NET1: variants seen among roughly 807,000 people sequenced by gnomAD.
The protein encoded by NET1 is neuroepithelial cell transforming 1.
In NET1, 42 loss-of-function variants were observed where a neutral mutation model predicts 61.1. That is an observed-to-expected ratio of 0.69 (90% CI 0.54 to 0.89). The LOEUF (loss-of-function observed/expected upper bound fraction) is 0.89. Ranked by LOEUF, NET1 falls within the 40% of genes least tolerant of loss-of-function variation. The pLI is 0.00. For missense variants in NET1, 654 were observed against 747.3 expected (o/e 0.88, Z 1.46); for synonymous variants, 254 against 281.8 (o/e 0.90, Z 0.99).
rs1564465015 is a variant in NET1 at position 5,444,222 on chromosome 10, A to G, written c.256-7608A>G. Among the ~76,000 whole-genome samples, 1 of 152,206 alleles carries G rather than the reference A, an allele frequency of 6.6e-6. No homozygotes were observed. Among genetic ancestry groups the G allele is most frequent in the Non-Finnish European group, 1.5e-5 (1 of 68,030 alleles). The stretch of plus-strand genomic sequence containing the variant: ...CAGGACAGACTGGACAATAGAGTAG[A>G]TGATGAAACAGAGCCAATCTCCATT... On this transcript the variant is annotated intron_variant, in intron 3 of 11. Coordinates refer to ENST00000355029, the MANE Select transcript of NET1 (RefSeq NM_001047160.3). The surrounding 1 kb of genome is among the most constrained non-coding windows in gnomAD (Gnocchi z 5.3).
rs1298334721 is a variant in NET1, at chr10:5,453,705, T to C, written c.768+145T>C. The C allele has an allele frequency of 9.4e-6, 6 of 640,538 alleles. No individual in the cohort carries two copies. Among genetic ancestry groups the C allele is most frequent in the Non-Finnish European group, 2.7e-6 (1 of 365,920 alleles). 39.7% of individuals were successfully genotyped at this position (640,538 alleles called of 1,614,324 possible). ...AAAACTGAACAAATTTACAGTGACA[T>C]AAGAAGTTACAGTCTGTTTAAAAAA... On this transcript the variant is annotated intron_variant, in intron 8 of 11. Coordinates refer to ENST00000355029, the MANE Select transcript of NET1 (RefSeq NM_001047160.3). This position sits in a 1 kb window ranked among gnomAD's most constrained non-coding sequence, Gnocchi z 4.9.
Position 5,435,721 on chromosome 10 carries a change from G to A in NET1, c.255+6492G>A, listed in dbSNP as rs1489535292. Among the ~76,000 whole-genome samples the A allele has an allele frequency of 1.3e-5, 2 of 152,100 alleles. No homozygotes were observed. The highest frequency in any genetic ancestry group is 2.9e-5 in the Non-Finnish European group (2 of 68,016). Reference sequence around the variant, plus strand: ...CTTATATGAAGAATTTAATTCTGATGTCAATTGAATTTTCATGTTATGGAT... The same window carrying A: ...CTTATATGAAGAATTTAATTCTGATATCAATTGAATTTTCATGTTATGGAT... On this transcript the variant is annotated intron_variant, in intron 3 of 11. Transcript: ENST00000355029. This position sits in a 1 kb window ranked among gnomAD's most constrained non-coding sequence, Gnocchi z 5.0.
rs1186364902 is a variant in NET1 at position 5,439,420 on chromosome 10, G to T, written c.255+10191G>T. Among the ~76,000 whole-genome samples, 4 of 152,202 alleles carry T rather than the reference G, an allele frequency of 2.6e-5. No homozygotes were observed. Among genetic ancestry groups the T allele is most frequent in the Non-Finnish European group, 5.9e-5 (4 of 68,028 alleles). ...GAGAAGTACCAGTGTAATGTACTAG[G>T]TTACATGGCAGTCTGGGCCATCTGT... is the stretch of plus-strand genomic sequence containing the variant. On this transcript the variant is annotated intron_variant, in intron 3 of 11. Transcript: ENST00000355029. This position sits in a 1 kb window ranked among gnomAD's most constrained non-coding sequence, Gnocchi z 4.8.
Position 5,422,500 on chromosome 10 carries a change from A to G in NET1, c.129-4155A>G, listed in dbSNP as rs1388873329. Among the ~76,000 whole-genome samples, 3 of 152,122 alleles carry G rather than the reference A, an allele frequency of 2.0e-5. No individual in the cohort carries two copies. Among genetic ancestry groups the G allele is most frequent in the South Asian group, 4.1e-4 (2 of 4,822 alleles). ...GATTGTTAATGATGGAAGCCTTCAGAATTTCTCTTTCCTTCTGTTACTTGC... is the reference window on the plus strand; with the variant it reads ...GATTGTTAATGATGGAAGCCTTCAGGATTTCTCTTTCCTTCTGTTACTTGC... On this transcript the variant is annotated intron_variant, in intron 1 of 11. Transcript: ENST00000355029. This position sits in a 1 kb window ranked among gnomAD's most constrained non-coding sequence, Gnocchi z 4.1.
In NET1 at chr10:5,424,541, A is replaced by T. The variant is rs1832229249; in HGVS notation, c.129-2114A>T. 6.6e-6 allele frequency among the ~76,000 whole-genome samples: 1 copy of T among 152,112 alleles called. No homozygotes were observed. The highest frequency in any genetic ancestry group is 2.1e-4 in the South Asian group (1 of 4,830). On this transcript the variant is annotated intron_variant, in intron 1 of 11. Coordinates refer to ENST00000355029, the MANE Select transcript of NET1 (RefSeq NM_001047160.3). The surrounding 1 kb of genome is among the most constrained non-coding windows in gnomAD (Gnocchi z 6.1). Reference sequence around the variant, plus strand: ...GAAAAAAATACCATTTTCTTTGTTGATGCTTGACTTTTCTGCAGTAGCAAG... The same window carrying T: ...GAAAAAAATACCATTTTCTTTGTTGTTGCTTGACTTTTCTGCAGTAGCAAG...
chr10:5,434,145 T>C (rs1384889758), intron 3 of NET1, among the ~76,000 whole-genome samples: 1 of 152,214 alleles, frequency 6.6e-6, no homozygotes, highest in African/African-American at 2.4e-5. Context: ...GTTTCCTGTA[T>C]GGTGAGAGGA....
chr10:5,425,393 A>G (rs1041901188), intron 1 of NET1, among the ~76,000 whole-genome samples: 1 of 152,218 alleles, frequency 6.6e-6, no homozygotes, highest in African/African-American at 2.4e-5. Context: ...CTATAACTTG[A>G]TGAACAACGA....
chr10:5,412,800 C>G lies in NET1; in HGVS notation c.108C>G (p.Ser36=). The change falls in exon 1 of 12, where the codon TCC becomes TCG. Residue 36 remains serine, a synonymous_variant. Transcript: ENST00000355029. The surrounding 1 kb of genome is among the most constrained non-coding windows in gnomAD (Gnocchi z 6.5). ...EGATGPSADT[S]GSELDGRCSL... ...CGACGGGGCCTTCGGCCGACACCTC[C>G]GGGTCGGAGCTGGACGGGAGGTGAG... 1.4e-6 allele frequency: 2 copies of G among 1,427,320 alleles called. No individual in the cohort carries two copies. Among genetic ancestry groups the G allele is most frequent in the Non-Finnish European group, 1.8e-6 (2 of 1,092,642 alleles). 88.4% of individuals were successfully genotyped at this position (1,427,320 alleles called of 1,614,324 possible).
chr10:5,457,027 CTG>C lies in NET1; in HGVS notation c.*35_*36del, dbSNP rs1564470396. ...TCTGTGTGTTAACTGATGGGAGAGA[CTG>C]TTTGTTTATAAATGTGTACAGTTTT... On this transcript the variant is annotated 3_prime_UTR_variant, in exon 12 of 12. Transcript: ENST00000355029. This position sits in a 1 kb window ranked among gnomAD's most constrained non-coding sequence, Gnocchi z 5.4. 6 of 1,509,848 alleles carry C rather than the reference CTG, an allele frequency of 4.0e-6. No homozygotes were observed. The highest frequency in any genetic ancestry group is 5.3e-6 in the Non-Finnish European group (6 of 1,129,816). The allele number at this position is 1,509,848 out of a possible 1,614,324, so 93.5% of individuals were successfully genotyped here.
At chr10:5,450,712 T>A (rs1187350086) in intron 3 of NET1, among the ~76,000 whole-genome samples, 1 of 152,196 alleles carries the variant, frequency 6.6e-6, no homozygotes, top group Non-Finnish European at 1.5e-5. Context: ...TACAAATAGT[T>A]ATGCTCCATA....
rs1322239067 is a variant in NET1 at position 5,456,977 on chromosome 10, A to G, written c.1774A>G (p.Lys592Glu). ...CAAAGCCCTTTCTGGTGGCAAACGG[A>G]AAGAGACTTTGGTGTAGAGAAGGCT... ...RDKALSGGKRKETLV is the reference protein window; with the variant it reads ...RDKALSGGKREETLV The change falls in exon 12 of 12, where the codon AAA becomes GAA. Residue 592 changes from lysine to glutamate, a missense_variant. Coordinates refer to ENST00000355029, the MANE Select transcript of NET1 (RefSeq NM_001047160.3). The surrounding 1 kb of genome is among the most constrained non-coding windows in gnomAD (Gnocchi z 7.0). The G allele has an allele frequency of 5.8e-6, 9 of 1,563,702 alleles. No homozygotes were observed. The South Asian group carries it at 8.4e-5, about 15-fold the overall frequency.
rs1340652197 is a variant in NET1, at chr10:5,443,383, G to C, written c.256-8447G>C. Among the ~76,000 whole-genome samples the C allele has an allele frequency of 6.6e-6, 1 of 152,128 alleles. No homozygotes were observed. The highest frequency in any genetic ancestry group is 1.5e-5 in the Non-Finnish European group (1 of 68,012). ...TAGCACAAAGTAATTGAGATAATAA[G>C]TACTTCATAGAGTTGATTAAATAAC... On this transcript the variant is annotated intron_variant, in intron 3 of 11. Coordinates refer to ENST00000355029, the MANE Select transcript of NET1 (RefSeq NM_001047160.3). The surrounding 1 kb of genome is among the most constrained non-coding windows in gnomAD (Gnocchi z 4.8).
In NET1 at chr10:5,451,635, A is replaced by T. The variant is rs1353723855; in HGVS notation, c.256-195A>T. Among the ~76,000 whole-genome samples, 2 of 151,884 alleles carry T rather than the reference A, an allele frequency of 1.3e-5. No individual in the cohort carries two copies. Among genetic ancestry groups the T allele is most frequent in the Non-Finnish European group, 2.9e-5 (2 of 68,002 alleles). On this transcript the variant is annotated intron_variant, in intron 3 of 11. Coordinates refer to ENST00000355029, the MANE Select transcript of NET1 (RefSeq NM_001047160.3). This position sits in a 1 kb window ranked among gnomAD's most constrained non-coding sequence, Gnocchi z 6.1. ...AATATTTGACTGGCCTTTCTTACAC[A>T]CTTATTTTTTGAAAAGTTACTGCTA...
At position 5,412,656 on chromosome 10, in the gene NET1, G is replaced by C. The variant is rs1234323194; in HGVS notation, c.-37G>C. On this transcript the variant is annotated 5_prime_UTR_variant, in exon 1 of 12. Coordinates refer to ENST00000355029, the MANE Select transcript of NET1 (RefSeq NM_001047160.3). This position sits in a 1 kb window ranked among gnomAD's most constrained non-coding sequence, Gnocchi z 6.5. ...TCGTGCCCGTCCCTGCCGGTCTCCC[G>C]GGCACCCGGCCACCGCCCCACCCCC... is the stretch of plus-strand genomic sequence containing the variant. 1 of 1,451,392 alleles carries C rather than the reference G, an allele frequency of 6.9e-7. No homozygotes were observed. Among genetic ancestry groups the C allele is most frequent in the Non-Finnish European group, 9.0e-7 (1 of 1,113,712 alleles). 89.9% of individuals were successfully genotyped at this position (1,451,392 alleles called of 1,614,324 possible).
At chr10:5,428,741 G>A (rs1207574194) in intron 2 of NET1, among the ~76,000 whole-genome samples, 1 of 114,092 alleles carries the variant, frequency 8.8e-6, no homozygotes, top group Non-Finnish European at 1.8e-5. Flanking sequence ...TTTTTTTTTT[G>A]AGAGGAAATC....
In NET1 at chr10:5,427,944, A is replaced by C. The variant is rs1832282840; in HGVS notation, c.195+1223A>C. Among the ~76,000 whole-genome samples the C allele has an allele frequency of 6.6e-6, 1 of 151,826 alleles. No homozygotes were observed. Among genetic ancestry groups the C allele is most frequent in the African/African-American group, 2.4e-5 (1 of 41,258 alleles). ...TGGTTCAGATAGCTTTTCTGACTTC[A>C]CAACCCTCCTTCGTGTTGTTTTTTA... On this transcript the variant is annotated intron_variant, in intron 2 of 11. Coordinates refer to ENST00000355029, the MANE Select transcript of NET1 (RefSeq NM_001047160.3). The surrounding 1 kb of genome is among the most constrained non-coding windows in gnomAD (Gnocchi z 4.1).
At position 5,439,905 on chromosome 10, in the gene NET1, A is replaced by G. The variant is rs1015175068; in HGVS notation, c.255+10676A>G. 6.6e-6 allele frequency among the ~76,000 whole-genome samples: 1 copy of G among 152,206 alleles called. No homozygotes were observed. Among genetic ancestry groups the G allele is most frequent in the South Asian group, 2.1e-4 (1 of 4,828 alleles). Reference sequence around the variant, plus strand: ...GGACCTACTCAAAACTATCACAGCAACATTCCCAAATATAGCAGATACTGC... The same window carrying G: ...GGACCTACTCAAAACTATCACAGCAGCATTCCCAAATATAGCAGATACTGC... On this transcript the variant is annotated intron_variant, in intron 3 of 11. Transcript: ENST00000355029. The surrounding 1 kb of genome is among the most constrained non-coding windows in gnomAD (Gnocchi z 4.8).
rs1394832815 is a variant in NET1, at chr10:5,449,302, G to A, written c.256-2528G>A. On this transcript the variant is annotated intron_variant, in intron 3 of 11. Transcript: ENST00000355029. The surrounding 1 kb of genome is among the most constrained non-coding windows in gnomAD (Gnocchi z 4.4). The stretch of plus-strand genomic sequence containing the variant: ...CATGTATGTCCTTTGAGTGAGGCAG[G>A]AAAGTTATCCACCATCATCCCCAAA... Among the ~76,000 whole-genome samples, 1 of 152,110 alleles carries A rather than the reference G, an allele frequency of 6.6e-6. No individual in the cohort carries two copies. The highest frequency in any genetic ancestry group is 2.4e-5 in the African/African-American group (1 of 41,422).
Position 5,422,591 on chromosome 10 carries a change from T to C in NET1, c.129-4064T>C, listed in dbSNP as rs1052552288. Among the ~76,000 whole-genome samples the C allele has an allele frequency of 3.9e-5, 6 of 152,230 alleles. No individual in the cohort carries two copies. The highest frequency in any genetic ancestry group is 1.4e-4 in the African/African-American group (6 of 41,460). ...GCTGTGGGCAAGGCCTGAGAATTAA[T>C]GCAGGACATTAGGATGTCTGGGGTG... On this transcript the variant is annotated intron_variant, in intron 1 of 11. Transcript: ENST00000355029. This position sits in a 1 kb window ranked among gnomAD's most constrained non-coding sequence, Gnocchi z 4.1.
Sources: gnomAD v4.1 joint callset for allele counts (sites outside exome capture counted in the v4.1 genomes callset) on GRCh38, gnomAD v4.1.1 for gene constraint, Gnocchi (gnomAD v3.1) non-coding constraint, MANE v1.5 for transcripts, NCBI Gene and HGNC (gene_info 2026-07-23, HGNC 2026-07-21) for gene names.